PDSS2: variants seen among roughly 807,000 people sequenced by gnomAD.
PDSS2 encodes the protein decaprenyl diphosphate synthase subunit 2, also known as all trans-polyprenyl-diphosphate synthase PDSS2.
Under a neutral mutation model 44.5 loss-of-function variants are expected in PDSS2, and 31 were observed. That is an observed-to-expected ratio of 0.70 (90% CI 0.52 to 0.94). The LOEUF (loss-of-function observed/expected upper bound fraction) is 0.94, where lower values mean the gene tolerates loss of function less well. PDSS2 is among the 40% of genes least tolerant of loss of function. The pLI, the probability that PDSS2 is intolerant of heterozygous loss-of-function variation, is 0.00. For synonymous variants in PDSS2, 157 were observed against 180.3 expected, an observed-to-expected ratio of 0.87 and a Z score of 1.03; for missense variants, 452 against 482.2, an observed-to-expected ratio of 0.94 and a Z score of 0.59.
chr6:107,202,199 T>C (rs963849765), intron 6 of PDSS2, among the ~76,000 whole-genome samples: 3 of 152,060 alleles, frequency 2.0e-5, no homozygotes, highest in Non-Finnish European at 2.9e-5. Context: ...CCACCACACC[T>C]GGCTACTTTT....
intron 7 of PDSS2, among the ~76,000 whole-genome samples, chr6:107,163,564 G>A (rs552624187): frequency 6.6e-6 from 1 of 151,856 alleles, no homozygotes; most frequent in East Asian, 1.9e-4. Context: ...AAACTAGAAT[G>A]GGCAATAGGT....
chr6:107,354,027 G>A (rs545766454), intron 1 of PDSS2, among the ~76,000 whole-genome samples: 11 of 152,118 alleles, frequency 7.2e-5, no homozygotes, highest in South Asian at 2.1e-4. Flanking sequence ...AACTACTATC[G>A]TACTGTATTG....
chr6:107,226,895 G>A (rs564083143), intron 4 of PDSS2, among the ~76,000 whole-genome samples: 1 of 151,110 alleles, frequency 6.6e-6, no homozygotes, highest in African/African-American at 2.4e-5. Context: ...CTGGTCTTGA[G>A]CTCCTGATCT....
intron 1 of PDSS2, among the ~76,000 whole-genome samples, chr6:107,411,988 C>T (rs1167421360): frequency 9.5e-5 from 14 of 148,092 alleles, no homozygotes; most frequent in Admixed American, 5.5e-4. Context: ...CAGGTTCAAG[C>T]GATTCTCCTG....
At chr6:107,346,694 C>T (rs1233820333) in intron 1 of PDSS2, among the ~76,000 whole-genome samples, 1 of 151,986 alleles carries the variant, frequency 6.6e-6, no homozygotes, top group Admixed American at 6.6e-5. Context: ...ATCTTTAAGG[C>T]CATGTTCCCC....
chr6:107,236,873 T>C (rs1010890393), intron 4 of PDSS2, among the ~76,000 whole-genome samples: 2 of 152,152 alleles, frequency 1.3e-5, no homozygotes, highest in Non-Finnish European at 2.9e-5. Flanking sequence ...CTTTTTACTA[T>C]GTTTTAGATG....
chr6:107,435,725 C>T lies in PDSS2; in HGVS notation c.296+23265G>A, dbSNP rs140673645. ...AAACACTGTCAAGAGCTCGATCATG[C>T]AAATTATCACTGTTTCAAAAATTCA... On this transcript the variant is annotated intron_variant, in intron 1 of 7. Transcript: ENST00000369037. 5.3e-5 allele frequency among the ~76,000 whole-genome samples: 8 copies of T among 152,218 alleles called. No homozygotes were observed. In the East Asian group the frequency reaches 1.4e-3, roughly 26 times the overall value.
chr6:107,416,390 A>G (rs1780661083), intron 1 of PDSS2, among the ~76,000 whole-genome samples: 1 of 152,206 alleles, frequency 6.6e-6, no homozygotes, highest in Admixed American at 6.5e-5. Flanking sequence ...TTACAGGCTG[A>G]TTATTCCTCT....
intron 4 of PDSS2, among the ~76,000 whole-genome samples, chr6:107,243,087 G>A (rs530597939): frequency 2.0e-5 from 3 of 152,226 alleles, no homozygotes; most frequent in Non-Finnish European, 1.5e-5. Flanking sequence ...AGACTTTGTT[G>A]CTTCTTCTTT....
chr6:107,158,763 T>G (rs898540011), intron 7 of PDSS2, among the ~76,000 whole-genome samples: 53 of 152,094 alleles, frequency 3.5e-4, no homozygotes, highest in African/African-American at 1.2e-3. Context: ...AGATTCACTC[T>G]TGTCGCCTAG....
chr6:107,344,091 C>T (rs937961270), intron 1 of PDSS2, among the ~76,000 whole-genome samples: 1 of 152,098 alleles, frequency 6.6e-6, no homozygotes, highest in African/African-American at 2.4e-5. Flanking sequence ...CTCCAGAGCC[C>T]TATGGTATAG....
intron 4 of PDSS2, among the ~76,000 whole-genome samples, chr6:107,227,831 T>C (rs2114717425): frequency 6.6e-6 from 1 of 152,312 alleles, no homozygotes; most frequent in South Asian, 2.1e-4. Context: ...TATGTGGTCT[T>C]AGATGTCCTG....
At chr6:107,437,153 T>A (rs982330971) in intron 1 of PDSS2, among the ~76,000 whole-genome samples, 3 of 152,106 alleles carry the variant, frequency 2.0e-5, no homozygotes, top group African/African-American at 4.8e-5. Flanking sequence ...GTGTGTGCCA[T>A]CGCACTGGTA....
intron 2 of PDSS2, among the ~76,000 whole-genome samples, chr6:107,320,394 T>A (rs144091589): frequency 6.6e-6 from 1 of 152,328 alleles, no homozygotes; most frequent in African/African-American, 2.4e-5. Context: ...TTCAAGTATT[T>A]CCTTGAAATG....
chr6:107,419,696 C>G (rs1780766483), intron 1 of PDSS2, among the ~76,000 whole-genome samples: 1 of 152,038 alleles, frequency 6.6e-6, no homozygotes. Context: ...AACACACAAA[C>G]ACACACACAC....
intron 1 of PDSS2, among the ~76,000 whole-genome samples, chr6:107,396,766 G>A (rs1469209484): frequency 7.2e-6 from 1 of 138,052 alleles, no homozygotes; most frequent in Admixed American, 8.1e-5. Context: ...ATAGCTCACT[G>A]CAACCTCAAA....
intron 1 of PDSS2, among the ~76,000 whole-genome samples, chr6:107,392,589 T>A (rs372214808): frequency 2.0e-5 from 3 of 152,338 alleles, no homozygotes; most frequent in South Asian, 2.1e-4. Flanking sequence ...TTTCACAGCA[T>A]CTGAACTTTT....
chr6:107,297,780 C>T (rs939879001), intron 2 of PDSS2, among the ~76,000 whole-genome samples: 1 of 152,070 alleles, frequency 6.6e-6, no homozygotes, highest in Non-Finnish European at 1.5e-5. Context: ...GAGTCTCACT[C>T]TGTTGCCCAG....
chr6:107,430,750 G>A (rs1276008628), intron 1 of PDSS2, among the ~76,000 whole-genome samples: 2 of 148,278 alleles, frequency 1.3e-5, no homozygotes, highest in East Asian at 2.0e-4. Context: ...CGGAGGTTGC[G>A]GTGAGCCAAG....
Sources: gnomAD v4.1 joint callset for allele counts (sites outside exome capture counted in the v4.1 genomes callset) on GRCh38, gnomAD v4.1.1 for gene constraint, MANE v1.5 for transcripts, NCBI Gene and HGNC (gene_info 2026-07-23, HGNC 2026-07-21) for gene names.